SNTB1: variants seen among roughly 807,000 people sequenced by gnomAD.
SNTB1 encodes syntrophin beta 1.
SNTB1 carries 36 observed loss-of-function variants against 48.9 expected under a neutral mutation model. The observed-to-expected ratio is 0.74, with a 90% CI of 0.56 to 0.97. The LOEUF (loss-of-function observed/expected upper bound fraction) is 0.97. Among genes scored for constraint, SNTB1 ranks in the 50% least tolerant of loss-of-function variants. The probability of loss-of-function intolerance (pLI) is 0.00; values close to 1 mark genes in which losing one functional copy is unlikely to be tolerated. For synonymous variants in SNTB1, 299 were observed against 294.6 expected (o/e 1.01, Z -0.15); for missense variants, 786 against 703.4 (o/e 1.12, Z -1.33).
At chr8:120,558,769 G>A (rs553238254) in intron 4 of SNTB1, among the ~76,000 whole-genome samples, 1 of 152,202 alleles carries the variant, frequency 6.6e-6, no homozygotes, top group South Asian at 2.1e-4. Context: ...CCTCATGGTG[G>A]TGTTGTGAAA....
chr8:120,678,846 A>G (rs1349687760), intron 2 of SNTB1, among the ~76,000 whole-genome samples: 1 of 151,792 alleles, frequency 6.6e-6, no homozygotes, highest in Non-Finnish European at 1.5e-5. Context: ...GTCAACCTCT[A>G]TGGGCTAAAT....
chr8:120,788,675 T>C (rs1030984883), intron 1 of SNTB1, among the ~76,000 whole-genome samples: 1 of 152,032 alleles, frequency 6.6e-6, no homozygotes, highest in Non-Finnish European at 1.5e-5. Context: ...AAATGATCAA[T>C]TCAACAAGAA....
intron 1 of SNTB1, among the ~76,000 whole-genome samples, chr8:120,778,729 A>C (rs1171712274): frequency 6.6e-6 from 1 of 152,234 alleles, no homozygotes; most frequent in East Asian, 1.9e-4. Flanking sequence ...CCCAACACAC[A>C]TATAAATAAC....
chr8:120,678,228 C>T (rs1351937010), intron 2 of SNTB1, among the ~76,000 whole-genome samples: 1 of 152,102 alleles, frequency 6.6e-6, no homozygotes, highest in Non-Finnish European at 1.5e-5. Flanking sequence ...CTCAAATGTG[C>T]CCCCTTCCTC....
intron 3 of SNTB1, among the ~76,000 whole-genome samples, chr8:120,606,154 A>G (rs1816512935): frequency 6.9e-6 from 1 of 144,814 alleles, no homozygotes; most frequent in African/African-American, 2.5e-5. Context: ...CCCTAAAATT[A>G]TATACTGATA....
Position 120,730,385 on chromosome 8 carries a change from G to A in SNTB1, c.572-36477C>T, listed in dbSNP as rs149314006. Reference sequence around the variant, plus strand: ...TGTATTTTTAGTAGAGTAGGGTTTCGCCATGTTGGCCAGGCTGGTATCAAA... The same window carrying A: ...TGTATTTTTAGTAGAGTAGGGTTTCACCATGTTGGCCAGGCTGGTATCAAA... On this transcript the variant is annotated intron_variant, in intron 1 of 6. Transcript: ENST00000517992. 6.1e-4 allele frequency among the ~76,000 whole-genome samples: 93 copies of A among 151,962 alleles called. 1 individual carries two copies. Among genetic ancestry groups the A allele is most frequent in the Non-Finnish European group, 1.1e-3 (77 of 67,926 alleles).
chr8:120,742,323 A>G (rs1012826373), intron 1 of SNTB1, among the ~76,000 whole-genome samples: 2 of 152,248 alleles, frequency 1.3e-5, no homozygotes, highest in Non-Finnish European at 2.9e-5. Flanking sequence ...AGCAATAAAA[A>G]GAATTTTCAT....
chr8:120,741,484 C>T (rs952227166), intron 1 of SNTB1, among the ~76,000 whole-genome samples: 1 of 152,180 alleles, frequency 6.6e-6, no homozygotes, highest in Non-Finnish European at 1.5e-5. Flanking sequence ...TGGTGAGCCC[C>T]TGTAGTCCCA....
At chr8:120,580,279 A>G (rs1816024126) in intron 3 of SNTB1, among the ~76,000 whole-genome samples, 1 of 152,156 alleles carries the variant, frequency 6.6e-6, no homozygotes, top group Non-Finnish European at 1.5e-5. Flanking sequence ...AAGAGCTCAC[A>G]GTCTTTAGAG....
chr8:120,664,841 A>G (rs764763635), intron 2 of SNTB1, among the ~76,000 whole-genome samples: 3 of 152,208 alleles, frequency 2.0e-5, no homozygotes, highest in African/African-American at 4.8e-5. Context: ...CATTTTAAGG[A>G]ATAGCCAAAC....
chr8:120,745,931 T>C (rs920244707), intron 1 of SNTB1, among the ~76,000 whole-genome samples: 1 of 152,188 alleles, frequency 6.6e-6, no homozygotes, highest in Non-Finnish European at 1.5e-5. Flanking sequence ...ATCTAATCCT[T>C]ACAGACCATG....
intron 3 of SNTB1, among the ~76,000 whole-genome samples, chr8:120,626,629 T>C (rs1216447153): frequency 2.6e-5 from 4 of 152,182 alleles, no homozygotes; most frequent in Admixed American, 1.3e-4. Context: ...CTTTTTTTTT[T>C]AATGCTTTGA....
At chr8:120,731,370 G>C (rs1257337064) in intron 1 of SNTB1, among the ~76,000 whole-genome samples, 1 of 152,166 alleles carries the variant, frequency 6.6e-6, no homozygotes, top group East Asian at 1.9e-4. Context: ...CACGTGTTCT[G>C]TAAAAAGGGG....
At chr8:120,754,267 T>TGCCTCAGTCCA (rs1819275274) in intron 1 of SNTB1, among the ~76,000 whole-genome samples, 1 of 151,934 alleles carries the variant, frequency 6.6e-6, no homozygotes, top group Non-Finnish European at 1.5e-5. Context: ...CTGAGGCAGG[T>TGCCTCAGTCCA]GGATTGCTTG....
intron 1 of SNTB1, among the ~76,000 whole-genome samples, chr8:120,748,297 C>T (rs1293042530): frequency 6.6e-6 from 1 of 152,094 alleles, no homozygotes; most frequent in Non-Finnish European, 1.5e-5. Context: ...TTTCCTCCCT[C>T]CTTTTTAACT....
intron 1 of SNTB1, among the ~76,000 whole-genome samples, chr8:120,731,091 A>G (rs924416026): frequency 2.0e-5 from 3 of 152,178 alleles, no homozygotes; most frequent in African/African-American, 7.2e-5. Context: ...ACTGCACTCC[A>G]GCCTGGGCAA....
intron 1 of SNTB1, among the ~76,000 whole-genome samples, chr8:120,782,019 T>A (rs1197159002): frequency 6.6e-6 from 1 of 152,162 alleles, no homozygotes. Context: ...AGACAAGAAG[T>A]CCAAAATCAC....
chr8:120,540,297 TA>T (rs1178958648), intron 6 of SNTB1, among the ~76,000 whole-genome samples: 4 of 152,036 alleles, frequency 2.6e-5, no homozygotes, highest in Admixed American at 2.6e-4. Flanking sequence ...TAAACAGACA[TA>T]GGGGGTAGAG....
At chr8:120,732,594 A>G (rs151131295) in intron 1 of SNTB1, among the ~76,000 whole-genome samples, 5 of 152,320 alleles carry the variant, frequency 3.3e-5, no homozygotes, top group South Asian at 2.1e-4. Context: ...AAAGGGCATG[A>G]TAGACTTTGG....
Sources: gnomAD v4.1 joint callset for allele counts (sites outside exome capture counted in the v4.1 genomes callset) on GRCh38, gnomAD v4.1.1 for gene constraint, MANE v1.5 for transcripts, NCBI Gene and HGNC (gene_info 2026-07-23, HGNC 2026-07-21) for gene names.